DLGAP1: variants seen among roughly 807,000 people sequenced by gnomAD.
The protein encoded by DLGAP1 is DLG associated protein 1.
DLGAP1 carries 11 observed loss-of-function variants against 90.8 expected under a neutral mutation model. The observed-to-expected ratio is 0.12, with a 90% CI of 0.08 to 0.20. The LOEUF is 0.20. Ranked by LOEUF, DLGAP1 falls within the 10% of genes least tolerant of loss-of-function variation. The pLI is 1.00. For missense variants in DLGAP1, 1,050 were observed against 1,333.8 expected, an observed-to-expected ratio of 0.79 and a Z score of 3.31; for synonymous variants, 558 against 540.7, an observed-to-expected ratio of 1.03 and a Z score of -0.44.
chr18:4,306,005 T>TACACAC (rs375614632), intron 1 of DLGAP1, among the ~76,000 whole-genome samples: 19 of 121,430 alleles, frequency 1.6e-4, no homozygotes, highest in African/African-American at 5.5e-4. Context: ...CCCAAAACAT[T>TACACAC]ACACACACAC....
chr18:3,558,063 C>T (rs959915870), intron 9 of DLGAP1, among the ~76,000 whole-genome samples: 2 of 152,174 alleles, frequency 1.3e-5, no homozygotes, highest in Non-Finnish European at 2.9e-5. Context: ...TAGAAGTTAA[C>T]TATATTTAGC....
intron 7 of DLGAP1, among the ~76,000 whole-genome samples, chr18:3,590,583 G>A (rs567873822): frequency 2.6e-5 from 4 of 152,150 alleles, no homozygotes; most frequent in Admixed American, 1.3e-4. Flanking sequence ...GGTCAGGTAC[G>A]GTGGCCCACA....
chr18:4,038,703 C>T (rs1189358112), intron 2 of DLGAP1, among the ~76,000 whole-genome samples: 1 of 152,022 alleles, frequency 6.6e-6, no homozygotes, highest in Non-Finnish European at 1.5e-5. Flanking sequence ...GAGTATTTTT[C>T]CTCTTGGTAA....
intron 8 of DLGAP1, among the ~76,000 whole-genome samples, chr18:3,568,459 C>T (rs1015871358): frequency 6.6e-6 from 1 of 151,860 alleles, no homozygotes; most frequent in Non-Finnish European, 1.5e-5. Flanking sequence ...TAGCTCCAAC[C>T]CAAATTTGAA....
chr18:4,261,377 C>T (rs2078999551), intron 1 of DLGAP1, among the ~76,000 whole-genome samples: 1 of 152,174 alleles, frequency 6.6e-6, no homozygotes, highest in Non-Finnish European at 1.5e-5. Context: ...CACTTTTACT[C>T]TATCTTCTAG....
In DLGAP1 at chr18:3,977,410, G is replaced by A. The variant is rs955092709; in HGVS notation, c.-73+27706C>T. ...ACTGTACTAAAATGCTGAAATGTCA[G>A]TTAATGAATTATGTTTATTCTGTGT... On this transcript the variant is annotated intron_variant, in intron 3 of 12. Transcript: ENST00000315677. Among the ~76,000 whole-genome samples, 3 of 137,866 alleles carry A rather than the reference G, an allele frequency of 2.2e-5. 1 individual carries two copies. The highest frequency in any genetic ancestry group is 1.4e-4 in the Admixed American group (2 of 13,842). 90.4% of individuals were successfully genotyped at this position (137,866 alleles called of 152,430 possible).
chr18:4,341,810 A>C (rs937385668), intron 1 of DLGAP1, among the ~76,000 whole-genome samples: 1 of 152,172 alleles, frequency 6.6e-6, no homozygotes, highest in Non-Finnish European at 1.5e-5. Context: ...ACTTGGAAGA[A>C]TGTTTTGTTC....
In DLGAP1 at chr18:3,728,180, T is replaced by A. The variant is rs537715925; in HGVS notation, c.1591+955A>T. Among the ~76,000 whole-genome samples, 3 of 152,044 alleles carry A rather than the reference T, an allele frequency of 2.0e-5. No individual in the cohort carries two copies. The South Asian group carries it at 6.2e-4, about 32-fold the overall frequency. On this transcript the variant is annotated intron_variant, in intron 7 of 12. Coordinates refer to ENST00000315677, the MANE Select transcript of DLGAP1 (RefSeq NM_004746.4). ...TTCTTTCCAATTTATTCATCATTAT[T>A]TATCTTGACTCTAAGTTTGATGATC...
chr18:4,212,509 TAAA>T (rs3041112), intron 1 of DLGAP1, among the ~76,000 whole-genome samples: 1 of 136,680 alleles, frequency 7.3e-6, no homozygotes. Context: ...CTACTAAAGT[TAAA>T]AAAAAAAAAA....
chr18:4,226,507 TAATAAGATATA>T (rs924077710), intron 1 of DLGAP1, among the ~76,000 whole-genome samples: 13 of 151,956 alleles, frequency 8.6e-5, no homozygotes, highest in Admixed American at 1.3e-4. Flanking sequence ...ATAGGTGGTA[TAATAAGATATA>T]AATAGAAATA....
intron 1 of DLGAP1, among the ~76,000 whole-genome samples, chr18:4,323,885 G>A (rs573579329): frequency 2.0e-5 from 3 of 152,142 alleles, no homozygotes; most frequent in South Asian, 4.1e-4. Flanking sequence ...TGTTAACAAC[G>A]AAGTTTATAG....
At chr18:3,663,405 C>G (rs574183569) in intron 7 of DLGAP1, among the ~76,000 whole-genome samples, 1 of 152,182 alleles carries the variant, frequency 6.6e-6, no homozygotes, top group African/African-American at 2.4e-5. Context: ...GGATGACTAA[C>G]GATGACCACA....
At chr18:3,961,549 A>G (rs2073198885) in intron 3 of DLGAP1, among the ~76,000 whole-genome samples, 1 of 152,064 alleles carries the variant, frequency 6.6e-6, no homozygotes, top group South Asian at 2.1e-4. Flanking sequence ...ACACCATACC[A>G]TGAGCAGGAT....
intron 7 of DLGAP1, among the ~76,000 whole-genome samples, chr18:3,640,128 G>A (rs1414587823): frequency 1.3e-5 from 2 of 152,014 alleles, no homozygotes; most frequent in African/African-American, 2.4e-5. Flanking sequence ...CTCACAGCTC[G>A]TAGGATAGTA....
rs1567965707 is a variant in DLGAP1 at position 3,688,658 on chromosome 18, CA to C, written c.1591+40476del. ...ACACACACACACACACACACACACACACACACACACCCTACCAAAAATAAGA... is the reference window on the plus strand; with the variant it reads ...ACACACACACACACACACACACACACCACACACACCCTACCAAAAATAAGA... On this transcript the variant is annotated intron_variant, in intron 7 of 12. Transcript: ENST00000315677. Among the ~76,000 whole-genome samples, 30 of 90,794 alleles carry C rather than the reference CA, an allele frequency of 3.3e-4. No individual in the cohort carries two copies. The South Asian group carries it at 4.4e-3, about 13-fold the overall frequency. The allele number at this position is 90,794 out of a possible 152,430, so 59.6% of individuals were successfully genotyped here.
At chr18:3,919,796 A>G (rs1295286439) in intron 3 of DLGAP1, among the ~76,000 whole-genome samples, 4 of 152,224 alleles carry the variant, frequency 2.6e-5, no homozygotes, top group Admixed American at 6.5e-5. Context: ...ATGTGGTCCA[A>G]GGCCACACAG....
At chr18:3,823,423 T>C (rs191605312) in intron 4 of DLGAP1, among the ~76,000 whole-genome samples, 15 of 152,326 alleles carry the variant, frequency 9.8e-5, no homozygotes, top group African/African-American at 3.1e-4. Flanking sequence ...AAAAACCTTA[T>C]GTTATCTTAA....
At chr18:4,346,253 A>G (rs1280214236) in intron 1 of DLGAP1, among the ~76,000 whole-genome samples, 1 of 152,198 alleles carries the variant, frequency 6.6e-6, no homozygotes, top group African/African-American at 2.4e-5. Context: ...AAAGGACATC[A>G]GATTTTTTTT....
chr18:4,072,654 G>C (rs898234882), intron 2 of DLGAP1, among the ~76,000 whole-genome samples: 1 of 152,042 alleles, frequency 6.6e-6, no homozygotes, highest in Non-Finnish European at 1.5e-5. Context: ...ATTTTTAGTA[G>C]AGCCAGGGTT....
Sources: allele counts gnomAD v4.1 joint callset (sites outside exome capture counted in the v4.1 genomes callset), GRCh38; gene constraint gnomAD v4.1.1; transcripts MANE v1.5; gene names NCBI Gene and HGNC (gene_info 2026-07-23, HGNC 2026-07-21).